The following CACNG5 variants were observed in gnomAD, a reference collection of about 807,000 sequenced individuals.
CACNG5 encodes voltage-dependent calcium channel gamma-5 subunit.
Under a neutral mutation model 24.8 loss-of-function variants are expected in CACNG5, and 18 were observed. That is an observed-to-expected ratio of 0.73 (90% CI 0.50 to 1.08). The LOEUF (loss-of-function observed/expected upper bound fraction) is 1.08. Ranked by LOEUF, CACNG5 falls within the 50% of genes least tolerant of loss-of-function variation. The probability of loss-of-function intolerance (pLI) is 0.00; values close to 1 mark genes in which losing one functional copy is unlikely to be tolerated. For missense variants in CACNG5, 349 were observed against 367.9 expected (o/e 0.95, Z 0.42); for synonymous variants, 157 against 149.1 (o/e 1.05, Z -0.39).
intron 1 of CACNG5, among the ~76,000 whole-genome samples, chr17:66,871,478 C>A (rs1977005945): frequency 6.6e-6 from 1 of 152,200 alleles, no homozygotes; most frequent in African/African-American, 2.4e-5. Flanking sequence ...CCTCTAACCT[C>A]ACCTACCTCT....
chr17:66,888,424 G>T lies in CACNG5; in HGVS notation c.*3184G>T, dbSNP rs1346713775. 2.0e-5 allele frequency among the ~76,000 whole-genome samples: 3 copies of T among 150,816 alleles called. No homozygotes were observed. The highest frequency in any genetic ancestry group is 4.9e-5 in the African/African-American group (2 of 40,988). On this transcript the variant is annotated 3_prime_UTR_variant, in exon 6 of 6. Transcript: ENST00000533854. Reference sequence around the variant, plus strand: ...CTGGGCGTGGTGGTGGGAGCCTGTAGTCCCAGCTACTTGGGAGGCTGAAGC... The same window carrying T: ...CTGGGCGTGGTGGTGGGAGCCTGTATTCCCAGCTACTTGGGAGGCTGAAGC...
At position 66,885,118 on chromosome 17, in the gene CACNG5, G is replaced by A. The variant is rs774617037; in HGVS notation, c.706G>A (p.Ala236Thr). Residue 236 changes from alanine (A) to threonine (T), a missense_variant, in exon 6 of 6, where the codon GCC becomes ACC. Physicochemically the swap from Ala to Thr is moderately conservative, Grantham distance 58. Coordinates refer to ENST00000533854, the MANE Select transcript of CACNG5 (RefSeq NM_145811.3). ...CTCAGGCCAGTTCCTACACCCAGAC[G>A]CCTGGGTCAGGGGCCGCAGCCCCTC... ...DYSGQFLHPD[A>T]WVRGRSPSDI... 20 of 1,613,954 alleles carry A rather than the reference G, an allele frequency of 1.2e-5. No individual in the cohort carries two copies. Among genetic ancestry groups the A allele is most frequent in the African/African-American group, 1.1e-4 (8 of 74,910 alleles).
chr17:66,850,522 T>A (rs4791025), intron 1 of CACNG5, among the ~76,000 whole-genome samples: 12,136 of 133,066 alleles, frequency 0.091, 912 homozygotes, highest in African/African-American at 0.21. Context: ...TAAAGTATAT[T>A]TTTTTTTTAC....
chr17:66,843,879 G>A (rs2144499350), intron 1 of CACNG5, among the ~76,000 whole-genome samples: 2 of 151,982 alleles, frequency 1.3e-5, no homozygotes, highest in Middle Eastern at 6.8e-3. Flanking sequence ...TCAAGCAAAA[G>A]AGTACAAGCT....
At chr17:66,842,753 G>A (rs983060592) in intron 1 of CACNG5, among the ~76,000 whole-genome samples, 2 of 152,306 alleles carry the variant, frequency 1.3e-5, no homozygotes, top group East Asian at 1.9e-4. Flanking sequence ...AAATAGACGA[G>A]CACTTCCTAA....
chr17:66,858,274 C>A (rs1437371858), intron 1 of CACNG5, among the ~76,000 whole-genome samples: 1 of 152,200 alleles, frequency 6.6e-6, no homozygotes, highest in Admixed American at 6.5e-5. Flanking sequence ...ACCCTGGGCT[C>A]AGCCAGCCTG....
intron 4 of CACNG5, among the ~76,000 whole-genome samples, chr17:66,881,575 C>T (rs189416502): frequency 2.6e-5 from 4 of 152,128 alleles, no homozygotes; most frequent in African/African-American, 7.2e-5. Flanking sequence ...ATCTTCCAGG[C>T]CTTATTCTGG....
intron 1 of CACNG5, among the ~76,000 whole-genome samples, chr17:66,848,090 G>A (rs960662403): frequency 9.2e-5 from 14 of 152,108 alleles, no homozygotes; most frequent in African/African-American, 2.7e-4. Flanking sequence ...GGACAACCTC[G>A]TTGCTCCCAC....
chr17:66,842,935 T>C (rs1277505447), intron 1 of CACNG5, among the ~76,000 whole-genome samples: 3 of 152,202 alleles, frequency 2.0e-5, no homozygotes, highest in Non-Finnish European at 4.4e-5. Context: ...ACAGATGGCC[T>C]ATGAGTTGGC....
At chr17:66,879,447 A>G (rs1262596515) in intron 3 of CACNG5, among the ~76,000 whole-genome samples, 3 of 152,096 alleles carry the variant, frequency 2.0e-5, no homozygotes, top group Non-Finnish European at 4.4e-5. Context: ...CAAAGAAACT[A>G]CCCTTATTTC....
chr17:66,850,774 T>A (rs1004042678), intron 1 of CACNG5, among the ~76,000 whole-genome samples: 4 of 152,012 alleles, frequency 2.6e-5, no homozygotes, highest in African/African-American at 9.7e-5. Flanking sequence ...GGGAGGGGGA[T>A]GAAAAATATG....
At chr17:66,861,292 C>T (rs1404678124) in intron 1 of CACNG5, among the ~76,000 whole-genome samples, 1 of 152,200 alleles carries the variant, frequency 6.6e-6, no homozygotes, top group Non-Finnish European at 1.5e-5. Context: ...GTTAATGTAA[C>T]ACATTTGTTT....
chr17:66,840,785 A>G (rs985762777), intron 1 of CACNG5, among the ~76,000 whole-genome samples: 1 of 152,162 alleles, frequency 6.6e-6, no homozygotes, highest in Non-Finnish European at 1.5e-5. Flanking sequence ...GACCCCAGGA[A>G]GGAAGTTTCC....
At chr17:66,866,830 T>C (rs1976937375) in intron 1 of CACNG5, among the ~76,000 whole-genome samples, 1 of 152,240 alleles carries the variant, frequency 6.6e-6, no homozygotes, top group Non-Finnish European at 1.5e-5. Flanking sequence ...TAGTATTCCA[T>C]GGTGTATATG....
intron 3 of CACNG5, among the ~76,000 whole-genome samples, chr17:66,879,512 G>T (rs1041376640): frequency 6.6e-6 from 1 of 152,194 alleles, no homozygotes; most frequent in Non-Finnish European, 1.5e-5. Context: ...TGACCAATTA[G>T]CTCCAAATAT....
At chr17:66,880,134 T>G (rs1213720227) in intron 3 of CACNG5, among the ~76,000 whole-genome samples, 3 of 152,228 alleles carry the variant, frequency 2.0e-5, no homozygotes, top group Non-Finnish European at 4.4e-5. Context: ...AGGCTGTAAC[T>G]GTCCCCTGCA....
intron 1 of CACNG5, among the ~76,000 whole-genome samples, chr17:66,869,952 A>T (rs1403723453): frequency 6.6e-6 from 1 of 151,982 alleles, no homozygotes; most frequent in Non-Finnish European, 1.5e-5. Context: ...GCGTGGTGGC[A>T]GGCTCCTGTA....
At chr17:66,863,449 C>T (rs1976891488) in intron 1 of CACNG5, among the ~76,000 whole-genome samples, 1 of 152,084 alleles carries the variant, frequency 6.6e-6, no homozygotes, top group African/African-American at 2.4e-5. Context: ...TCACTGCAAC[C>T]TCCGCCTCCT....
chr17:66,862,892 C>CTCTGTGTGTGTGTGTGTG (rs567913804), intron 1 of CACNG5, among the ~76,000 whole-genome samples: 5 of 142,172 alleles, frequency 3.5e-5, no homozygotes, highest in South Asian at 4.7e-4. Flanking sequence ...AGCATATTCT[C>CTCTGTGTGTGTGTGTGTG]TGTGTGTGTG....
Sources: gnomAD v4.1 joint callset for allele counts (sites outside exome capture counted in the v4.1 genomes callset) on GRCh38, gnomAD v4.1.1 for gene constraint, MANE v1.5 for transcripts, NCBI Gene and HGNC (gene_info 2026-07-23, HGNC 2026-07-21) for gene names.